The following GPSM1 variants were observed in gnomAD, a reference collection of about 807,000 sequenced individuals.
The protein encoded by GPSM1 is G protein signaling modulator 1, also known as G protein-signaling modulator 1.
A neutral mutation model predicts 70.5 loss-of-function variants in GPSM1; 48 were observed. The observed-to-expected ratio is 0.68, with a 90% confidence interval of 0.54 to 0.87. The LOEUF is 0.87. GPSM1 is among the 40% of genes least tolerant of loss of function. The probability of loss-of-function intolerance (pLI) is 0.00; values close to 1 mark genes in which losing one functional copy is unlikely to be tolerated. For synonymous variants in GPSM1, 416 were observed against 430.1 expected (o/e 0.97, Z 0.41); for missense variants, 981 against 972.6 (o/e 1.01, Z -0.11).
intron 13 of GPSM1, among the ~76,000 whole-genome samples, chr9:136,357,365 G>A (rs1396730229): frequency 3.9e-5 from 6 of 152,162 alleles, no homozygotes; most frequent in African/African-American, 1.2e-4. Flanking sequence ...CCAGGCGTCC[G>A]ACCAGCCACC....
chr9:136,336,113 G>T lies in GPSM1; in HGVS notation c.426+12G>T. 6.2e-7 allele frequency: 1 copy of T among 1,608,472 alleles called. No individual in the cohort carries two copies. The highest frequency in any genetic ancestry group is 8.5e-7 in the Non-Finnish European group (1 of 1,179,544). ...AGCAGGGAGACAAGGTGGGGGCTTG[G>T]TCCGGGGCTGGGTGTCTCCCACCCC... is the stretch of plus-strand genomic sequence containing the variant. On this transcript the variant is annotated intron_variant, in intron 3 of 13. Coordinates refer to ENST00000440944, the MANE Select transcript of GPSM1 (RefSeq NM_001145638.3).
In GPSM1 at chr9:136,355,824, C is replaced by T; in HGVS notation, c.1590C>T (p.Ala530=). 6.2e-7 allele frequency: 1 copy of T among 1,610,724 alleles called. No homozygotes were observed. The highest frequency in any genetic ancestry group is 1.3e-5 in the African/African-American group (1 of 74,940). ...GQAGAAEATA[A]PTLEDRIAQP... is the part of the protein sequence containing the mutation. ...CCGGGGCTGCCGAGGCCACGGCCGC[C>T]CCCACCCTGGAGGACAGGATCGGTG... The change falls in exon 12 of 14, where the codon GCC becomes GCT. Residue 530 remains alanine, a synonymous_variant. Coordinates refer to ENST00000440944, the MANE Select transcript of GPSM1 (RefSeq NM_001145638.3).
At position 136,358,038 on chromosome 9, in the gene GPSM1, T is replaced by A. The variant is rs1832886644; in HGVS notation, c.1846T>A (p.Cys616Ser). The A allele has an allele frequency of 7.4e-6, 12 of 1,612,610 alleles. No homozygotes were observed. The highest frequency in any genetic ancestry group is 1.0e-5 in the Non-Finnish European group (12 of 1,179,762). ...GTCCTCCAGGATCGATGACCAGCGC[T>A]GCCCGCCACCTGACGTACTGCCCCG... ...YQSSRIDDQR[C>S]PPPDVLPRGP... Residue 616 changes from cysteine (C) to serine (S), a missense_variant, in exon 14 of 14, where the codon TGC (cysteine) becomes AGC (serine). Physicochemically the swap from Cys to Ser is moderately radical, Grantham distance 112. Transcript: ENST00000440944.
At chr9:136,349,511 C>A in intron 10 of GPSM1, 76 bp from the exon 11 acceptor site, 2 of 1,333,282 alleles carry the variant, frequency 1.5e-6, no homozygotes, top group Non-Finnish European at 2.0e-6. Flanking sequence ...GGCGGCCTGG[C>A]CTTCCCTTCA....
At chr9:136,333,733 G>T (rs1281358675) in intron 1 of GPSM1, among the ~76,000 whole-genome samples, 2 of 152,182 alleles carry the variant, frequency 1.3e-5, no homozygotes, top group Non-Finnish European at 2.9e-5. Context: ...GCAGCACCTG[G>T]GAACAGCGGG....
intron 9 of GPSM1, among the ~76,000 whole-genome samples, chr9:136,347,549 G>A (rs1268220758): frequency 1.3e-5 from 2 of 152,136 alleles, no homozygotes; most frequent in African/African-American, 2.4e-5. Flanking sequence ...GCCTCGTTCC[G>A]CCGTCGTCCC....
chr9:136,337,598 G>A lies in GPSM1; in HGVS notation c.702+34G>A, dbSNP rs1186972672. 2.3e-5 allele frequency: 36 copies of A among 1,542,954 alleles called. 1 individual carries two copies. Among genetic ancestry groups the A allele is most frequent in the South Asian group, 3.6e-5 (3 of 83,876 alleles). ...GGCAGGGTGACAGGGTGGAGGGGCC[G>A]GGCTGCTGCAGGGGCAGGGCTGAGC... On this transcript the variant is annotated intron_variant, in intron 5 of 13. Transcript: ENST00000440944.
chr9:136,333,723 G>A (rs1588690298), intron 1 of GPSM1, among the ~76,000 whole-genome samples: 1 of 152,312 alleles, frequency 6.6e-6, no homozygotes, highest in Admixed American at 6.5e-5. Context: ...GGGGTGGCGG[G>A]CAGCACCTGG....
chr9:136,339,605 C>G (rs1432425429), intron 7 of GPSM1, 102 bp from the exon 8 acceptor site: 2 of 801,284 alleles, frequency 2.5e-6, no homozygotes, highest in Admixed American at 2.3e-5. Context: ...TGATGACCCT[C>G]GAAGCCAGGG....
Position 136,337,051 on chromosome 9 carries a change from G to A in GPSM1, c.557G>A (p.Cys186Tyr), listed in dbSNP as rs1832257936. The part of the protein sequence containing the change: ...HLPPDVRETL[C>Y]KASEFYERNL... ...CCGCCCGATGTCCGAGAGACCCTGTGCAAGGCCTCCGAGTTCTACGAGTGA... is the reference window on the plus strand; with the variant it reads ...CCGCCCGATGTCCGAGAGACCCTGTACAAGGCCTCCGAGTTCTACGAGTGA... Residue 186 changes from cysteine to tyrosine, a missense_variant, in exon 4 of 14, where the codon TGC becomes TAC. By Grantham distance (194) the Cys-to-Tyr change is radical (BLOSUM62 -2). Transcript: ENST00000440944. The A allele has an allele frequency of 3.2e-6, 5 of 1,551,812 alleles. No individual in the cohort carries two copies. Among genetic ancestry groups the A allele is most frequent in the South Asian group, 1.2e-5 (1 of 84,148 alleles).
chr9:136,356,634 G>A, intron 13 of GPSM1, 84 bp downstream of exon 13: 1 of 970,532 alleles, frequency 1.0e-6, no homozygotes, highest in Non-Finnish European at 1.5e-6. Flanking sequence ...TGAGGGGTGA[G>A]GTGGGCGCTG....
intron 11 of GPSM1, chr9:136,352,922 CGTGT>C (rs143094518): frequency 0.014 from 2,287 of 168,710 alleles, 52 homozygotes; most frequent in African/African-American, 0.046. Context: ...AGCCCACGTG[CGTGT>C]GTGTGAGCCT....
intron 13 of GPSM1, 22 bp from the exon 14 acceptor site, chr9:136,357,992 C>A: frequency 6.2e-7 from 1 of 1,602,854 alleles, no homozygotes; most frequent in Non-Finnish European, 8.5e-7. Flanking sequence ...GTGAGGCCGC[C>A]AACTGCACTG....
chr9:136,344,379 C>T (rs924239383), intron 9 of GPSM1, among the ~76,000 whole-genome samples: 1 of 152,214 alleles, frequency 6.6e-6, no homozygotes, highest in African/African-American at 2.4e-5. Flanking sequence ...GACGTTTACT[C>T]CTCACGGCTC....
At position 136,337,509 on chromosome 9, in the gene GPSM1, G is replaced by A; in HGVS notation, c.647G>A (p.Gly216Asp). The change falls in exon 5 of 14, where the codon GGC (glycine) becomes GAC (aspartate). Residue 216 changes from glycine to aspartate, a missense_variant. Transcript: ENST00000440944. ...AAQGRAYGNL[G>D]NTHYLLGNFT... ...CAGGGCAGGGCCTACGGCAACCTGGGCAACACCCACTATTTGTTGGGGAAC... is the reference window on the plus strand; with the variant it reads ...CAGGGCAGGGCCTACGGCAACCTGGACAACACCCACTATTTGTTGGGGAAC... 6.4e-7 allele frequency: 1 copy of A among 1,561,898 alleles called. No homozygotes were observed. The highest frequency in any genetic ancestry group is 1.2e-5 in the South Asian group (1 of 84,824).
chr9:136,337,153 C>T, intron 4 of GPSM1, 81 bp downstream of exon 4: 2 of 1,308,762 alleles, frequency 1.5e-6, no homozygotes, highest in Non-Finnish European at 2.1e-6. Flanking sequence ...GACCCCCGAC[C>T]CCAGCCCCAT....
At chr9:136,354,867 C>T (rs1832771820) in intron 11 of GPSM1, 1 of 1,009,694 alleles carries the variant, frequency 9.9e-7, no homozygotes, top group Non-Finnish European at 1.2e-6. Context: ...GTGGTGGGCA[C>T]AGGGACAGGA....
At chr9:136,351,950 C>A (rs1244315058) in intron 11 of GPSM1, among the ~76,000 whole-genome samples, 1 of 97,068 alleles carries the variant, frequency 1.0e-5, no homozygotes, top group Non-Finnish European at 2.2e-5. Context: ...ATCCCTGGGG[C>A]GTCAGTGGCC....
chr9:136,333,591 A>C (rs1477033094), intron 1 of GPSM1, among the ~76,000 whole-genome samples: 1 of 152,058 alleles, frequency 6.6e-6, no homozygotes, highest in Non-Finnish European at 1.5e-5. Context: ...AAGGTGGGGG[A>C]CCACGGCCAA....
Sources: allele counts gnomAD v4.1 joint callset (sites outside exome capture counted in the v4.1 genomes callset), GRCh38; gene constraint gnomAD v4.1.1; transcripts MANE v1.5; gene names NCBI Gene and HGNC (gene_info 2026-07-23, HGNC 2026-07-21).